TENM2: variants seen among roughly 807,000 people sequenced by gnomAD.
TENM2 encodes the protein teneurin-2.
In TENM2, 52 loss-of-function variants were observed where a neutral mutation model predicts 245.2. The observed-to-expected ratio is 0.21, with a 90% confidence interval of 0.17 to 0.27. The LOEUF is 0.27. Ranked by LOEUF, TENM2 falls within the 10% of genes least tolerant of loss-of-function variation. The probability of loss-of-function intolerance (pLI) is 1.00; values close to 1 mark genes in which losing one functional copy is unlikely to be tolerated. For missense variants in TENM2, 3,046 were observed against 3,666.8 expected, an observed-to-expected ratio of 0.83 and a Z score of 4.37; for synonymous variants, 1,363 against 1,438.9, an observed-to-expected ratio of 0.95 and a Z score of 1.19.
intron 3 of TENM2, among the ~76,000 whole-genome samples, chr5:167,912,530 C>A (rs1166681121): frequency 6.6e-6 from 1 of 150,644 alleles, no homozygotes; most frequent in African/African-American, 2.5e-5. Flanking sequence ...TTAACTGAAT[C>A]AATTATACAA....
chr5:168,193,956 A>G (rs1761167566), intron 14 of TENM2, among the ~76,000 whole-genome samples: 2 of 152,206 alleles, frequency 1.3e-5, no homozygotes, highest in Admixed American at 1.3e-4. Flanking sequence ...GGAACAGTCT[A>G]AACACTCCTG....
chr5:167,807,493 C>T (rs964842661), intron 2 of TENM2, among the ~76,000 whole-genome samples: 1 of 152,036 alleles, frequency 6.6e-6, no homozygotes, highest in Non-Finnish European at 1.5e-5. Flanking sequence ...AGACACTAGT[C>T]TATGTTAACT....
chr5:167,505,064 C>T (rs1313668874), intron 2 of TENM2, among the ~76,000 whole-genome samples: 2 of 152,078 alleles, frequency 1.3e-5, no homozygotes, highest in Non-Finnish European at 2.9e-5. Context: ...TGAGGCTTTG[C>T]GTTTATTGGC....
At chr5:167,429,766 C>T (rs532108876) in intron 2 of TENM2, among the ~76,000 whole-genome samples, 26 of 152,078 alleles carry the variant, frequency 1.7e-4, no homozygotes, top group African/African-American at 6.0e-4. Context: ...ACCACCATGT[C>T]CGGCTAATTT....
intron 2 of TENM2, among the ~76,000 whole-genome samples, chr5:167,744,536 A>AT (rs1387734283): frequency 1.3e-5 from 2 of 152,192 alleles, no homozygotes; most frequent in Non-Finnish European, 2.9e-5. Flanking sequence ...AAATGCAATG[A>AT]TTTTTAAGTA....
the TENM2 span, among the ~76,000 whole-genome samples, chr5:167,129,061 G>T: frequency 2.8e-4 from 42 of 152,230 alleles, no homozygotes; most frequent in African/African-American, 9.4e-4. Context: ...CAGCTTCCTG[G>T]AATAGGCAGT....
chr5:167,325,473 G>A (rs541317661), intron 1 of TENM2, among the ~76,000 whole-genome samples: 1 of 152,272 alleles, frequency 6.6e-6, no homozygotes, highest in South Asian at 2.1e-4. Context: ...AGTTCCTGCA[G>A]ACCCACAGAG....
the TENM2 span, among the ~76,000 whole-genome samples, chr5:167,158,935 CTTCTTTCT>C: frequency 8.2e-6 from 1 of 122,664 alleles, no homozygotes; most frequent in African/African-American, 3.4e-5. Flanking sequence ...TCTCTCTCTC[CTTCTTTCT>C]TTCTTTCTTC....
chr5:167,998,800 T>C (rs1182734339), intron 5 of TENM2, among the ~76,000 whole-genome samples: 1 of 152,180 alleles, frequency 6.6e-6, no homozygotes, highest in African/African-American at 2.4e-5. Context: ...ACTCTGACTT[T>C]GATCTGGAAA....
Position 167,922,488 on chromosome 5 carries a change from C to G in TENM2, c.713-30100C>G, listed in dbSNP as rs549888551. On this transcript the variant is annotated intron_variant, in intron 3 of 28. Coordinates refer to ENST00000518659, the Ensembl canonical transcript of TENM2. The stretch of plus-strand genomic sequence containing the variant: ...GCTGATAAAACACACATCCTGCCCT[C>G]AAGGAAGCAACAAGCCCAGGGAAAG... 6.6e-5 allele frequency among the ~76,000 whole-genome samples: 10 copies of G among 152,194 alleles called. 1 individual carries two copies. Among genetic ancestry groups the G allele is most frequent in the African/African-American group, 9.6e-5 (4 of 41,462 alleles).
At chr5:167,577,906 G>A (rs141092043) in intron 2 of TENM2, among the ~76,000 whole-genome samples, 59 of 152,284 alleles carry the variant, frequency 3.9e-4, no homozygotes, top group African/African-American at 1.4e-3. Flanking sequence ...AGGAGAGCAG[G>A]GGAGAAAAGG....
At chr5:167,779,725 GAACA>G (rs1433899058) in intron 2 of TENM2, among the ~76,000 whole-genome samples, 1 of 152,156 alleles carries the variant, frequency 6.6e-6, no homozygotes, top group Non-Finnish European at 1.5e-5. Flanking sequence ...TAACATACCA[GAACA>G]AACAAGTCTC....
chr5:167,888,298 C>T (rs1183367518), intron 3 of TENM2, among the ~76,000 whole-genome samples: 1 of 152,196 alleles, frequency 6.6e-6, no homozygotes, highest in South Asian at 2.1e-4. Context: ...GATTTAAGTT[C>T]TTTGAAGGCA....
intron 3 of TENM2, among the ~76,000 whole-genome samples, chr5:167,945,391 C>T (rs1340886695): frequency 6.6e-6 from 1 of 152,172 alleles, no homozygotes; most frequent in Non-Finnish European, 1.5e-5. Flanking sequence ...CTTAACCTCC[C>T]CACACCTCAG....
At chr5:168,228,872 T>C (rs1048532001) in intron 25 of TENM2, among the ~76,000 whole-genome samples, 4 of 148,140 alleles carry the variant, frequency 2.7e-5, no homozygotes, top group Admixed American at 2.0e-4. Flanking sequence ...ATTATAATTA[T>C]TATATAATGT....
the TENM2 span, among the ~76,000 whole-genome samples, chr5:167,223,928 T>G: frequency 3.9e-5 from 6 of 152,190 alleles, no homozygotes; most frequent in Non-Finnish European, 8.8e-5. Flanking sequence ...GATTCACATT[T>G]CCCTGATGAT....
intron 2 of TENM2, among the ~76,000 whole-genome samples, chr5:167,541,839 A>C (rs181617962): frequency 1.3e-5 from 2 of 152,362 alleles, no homozygotes; most frequent in East Asian, 3.9e-4. Flanking sequence ...CAATAATTTG[A>C]GAAATAAAAT....
At chr5:168,189,259 G>A (rs1226761398) in intron 13 of TENM2, among the ~76,000 whole-genome samples, 14 of 152,204 alleles carry the variant, frequency 9.2e-5, no homozygotes. Context: ...TCAGTTTGTA[G>A]CAATAACCTG....
intron 5 of TENM2, among the ~76,000 whole-genome samples, chr5:168,041,769 T>C (rs1426975992): frequency 1.3e-5 from 2 of 152,228 alleles, no homozygotes; most frequent in African/African-American, 2.4e-5. Context: ...GGGTGTTTAG[T>C]AAATATGTGC....
Sources: allele counts gnomAD v4.1 joint callset (sites outside exome capture counted in the v4.1 genomes callset), GRCh38; gene constraint gnomAD v4.1.1; transcripts MANE v1.5; gene names NCBI Gene and HGNC (gene_info 2026-07-23, HGNC 2026-07-21).